Variants in USH2A observed in about 807,000 individuals in gnomAD.
USH2A encodes Usher syndrome 2A (autosomal recessive, mild).
In USH2A, 443 loss-of-function variants were observed where a neutral mutation model predicts 538.9. The ratio of observed to expected loss-of-function variants is 0.82; its 90% CI spans 0.76 to 0.89. The LOEUF is 0.89. USH2A is among the 40% of genes least tolerant of loss of function. The pLI is 0.00. For synonymous variants in USH2A, 2,413 were observed against 2,273.5 expected (o/e 1.06, Z -1.75); for missense variants, 6,633 against 6,324.8 (o/e 1.05, Z -1.65).
chr1:215,886,857 C>T (rs1165972550), intron 41 of USH2A, among the ~76,000 whole-genome samples: 1 of 151,976 alleles, frequency 6.6e-6, no homozygotes, highest in East Asian at 1.9e-4. Flanking sequence ...TCTGAAAATA[C>T]TTATTTTTTT....
chr1:216,358,355 GC>G (rs1279497785), intron 4 of USH2A, among the ~76,000 whole-genome samples: 3 of 152,124 alleles, frequency 2.0e-5, no homozygotes, highest in Non-Finnish European at 4.4e-5. Flanking sequence ...GAGACAGCCG[GC>G]CTGGCACTGC....
rs2797255 is a variant in USH2A, at chr1:215,624,672, G to A, written c.*1109C>T. On this transcript the variant is annotated 3_prime_UTR_variant, in exon 72 of 72. Transcript: ENST00000307340. Reference sequence around the variant, plus strand: ...AGCAGGTGACAGACATTTTTGAACCGTAATTGGTACTGTTGCATATCATCT... The same window carrying A: ...AGCAGGTGACAGACATTTTTGAACCATAATTGGTACTGTTGCATATCATCT... 150,834 of 152,250 alleles carry A rather than the reference G, an allele frequency of 0.99. 74,743 individuals are homozygous for A. The highest frequency in any genetic ancestry group is 1 in the East Asian group (5,178 of 5,178). 9.4% of individuals were successfully genotyped at this position (152,250 alleles called of 1,614,324 possible). A position where few individuals can be genotyped will look rare whatever the true frequency, so the allele number is the denominator to read the frequency against.
chr1:215,805,489 G>C (rs946395932), intron 49 of USH2A, among the ~76,000 whole-genome samples: 4 of 152,038 alleles, frequency 2.6e-5, no homozygotes, highest in African/African-American at 9.7e-5. Flanking sequence ...GAAGATAAAA[G>C]AGCTCTAGAG....
chr1:215,732,237 T>A (rs1282557139), intron 60 of USH2A, among the ~76,000 whole-genome samples: 1 of 152,202 alleles, frequency 6.6e-6, no homozygotes, highest in Non-Finnish European at 1.5e-5. Context: ...AAGTTTTTGG[T>A]GTGAGTAGAG....
At chr1:216,002,631 T>C (rs1483045527) in intron 32 of USH2A, among the ~76,000 whole-genome samples, 1 of 152,126 alleles carries the variant, frequency 6.6e-6, no homozygotes, top group African/African-American at 2.4e-5. Context: ...CATATCAGAT[T>C]GTCTTGGTCA....
chr1:216,206,821 G>C (rs2035122318), intron 16 of USH2A, among the ~76,000 whole-genome samples: 1 of 152,112 alleles, frequency 6.6e-6, no homozygotes, highest in Non-Finnish European at 1.5e-5. Context: ...AATAGAATAG[G>C]TATGGACATC....
rs1174913071 is a variant in USH2A, at chr1:215,888,920, T to C, written c.7729A>G (p.Arg2577Gly). The C allele has an allele frequency of 6.2e-7, 1 of 1,614,064 alleles. No homozygotes were observed. Among genetic ancestry groups the C allele is most frequent in the Non-Finnish European group, 8.5e-7 (1 of 1,180,024 alleles). ...CAATTAGTGACATTTCCAGGAGTTC[T>C]CAAGTATAGACGGCCATGTAGATAA... ...NIYLHGRLYL[R>G]TPGNVTNCTV... Residue 2577 changes from arginine to glycine, a missense_variant, in exon 41 of 72, where the codon AGA becomes GGA. Physicochemically the swap from Arg to Gly is moderately radical, Grantham distance 125. Coordinates refer to ENST00000307340, the MANE Select transcript of USH2A (RefSeq NM_206933.4).
At chr1:215,927,681 G>A (rs1382402873) in intron 38 of USH2A, among the ~76,000 whole-genome samples, 1 of 151,830 alleles carries the variant, frequency 6.6e-6, no homozygotes, top group Non-Finnish European at 1.5e-5. Context: ...TCACTACCTG[G>A]GCAATAGGAT....
At chr1:216,096,417 A>G (rs1290241570) in intron 22 of USH2A, among the ~76,000 whole-genome samples, 1 of 152,178 alleles carries the variant, frequency 6.6e-6, no homozygotes, top group South Asian at 2.1e-4. Context: ...TACACCCTCA[A>G]ATACAGACAT....
At chr1:215,729,877 C>G (rs894539390) in intron 60 of USH2A, among the ~76,000 whole-genome samples, 1 of 152,176 alleles carries the variant, frequency 6.6e-6, no homozygotes, top group Non-Finnish European at 1.5e-5. Context: ...CTGGCCTTGG[C>G]CTTCCAAAGT....
At chr1:215,967,850 T>A (rs935662015) in intron 36 of USH2A, among the ~76,000 whole-genome samples, 14 of 152,116 alleles carry the variant, frequency 9.2e-5, no homozygotes, top group African/African-American at 3.4e-4. Flanking sequence ...CAAGACAACT[T>A]TTTAGCCATA....
chr1:215,698,730 G>A (rs1190838737), intron 61 of USH2A, among the ~76,000 whole-genome samples: 1 of 152,132 alleles, frequency 6.6e-6, no homozygotes, highest in African/African-American at 2.4e-5. Flanking sequence ...TTAGCCCTTT[G>A]TCAGATGGAT....
At chr1:216,286,234 TG>T (rs1476089039) in intron 11 of USH2A, among the ~76,000 whole-genome samples, 1 of 152,168 alleles carries the variant, frequency 6.6e-6, no homozygotes, top group African/African-American at 2.4e-5. Flanking sequence ...AATTGAATCA[TG>T]GGGGCAGTTT....
chr1:215,732,350 AT>A (rs1336816627), intron 60 of USH2A, among the ~76,000 whole-genome samples: 1 of 152,152 alleles, frequency 6.6e-6, no homozygotes, highest in Non-Finnish European at 1.5e-5. Flanking sequence ...GCCTATGCTT[AT>A]CCTTAATCTG....
At position 215,732,142 on chromosome 1, in the gene USH2A, T is replaced by G. The variant is rs115877513; in HGVS notation, c.11712-3758A>C. 7.5e-3 allele frequency among the ~76,000 whole-genome samples: 1,138 copies of G among 152,300 alleles called. 17 individuals carry two copies. Among genetic ancestry groups the G allele is most frequent in the African/African-American group, 0.026 (1,079 of 41,550 alleles). Reference sequence around the variant, plus strand: ...GTCATCTCAACAGTTTACGTAAGAATAAATGCAGACCCTGAACTAGATTGC... The same window carrying G: ...GTCATCTCAACAGTTTACGTAAGAAGAAATGCAGACCCTGAACTAGATTGC... On this transcript the variant is annotated intron_variant, in intron 60 of 71. Coordinates refer to ENST00000307340, the MANE Select transcript of USH2A (RefSeq NM_206933.4).
intron 3 of USH2A, among the ~76,000 whole-genome samples, chr1:216,395,715 G>C (rs1447269009): frequency 6.6e-6 from 1 of 152,182 alleles, no homozygotes; most frequent in Non-Finnish European, 1.5e-5. Flanking sequence ...TTTGACTATT[G>C]CAAGACAGGA....
At chr1:216,232,241 C>T (rs2035713197) in intron 13 of USH2A, 105 bp from the exon 14 acceptor site, 3 of 1,257,820 alleles carry the variant, frequency 2.4e-6, no homozygotes, top group Non-Finnish European at 3.3e-6. Context: ...TACCAAGGCA[C>T]TAATTCCCAA....
At chr1:215,693,135 C>T (rs56156651) in intron 61 of USH2A, among the ~76,000 whole-genome samples, 48,052 of 113,014 alleles carry the variant, frequency 0.43, 8,773 homozygotes, top group South Asian at 0.59. Flanking sequence ...TATATATATA[C>T]ACACACACAC....
intron 2 of USH2A, 124 bp downstream of exon 2, chr1:216,421,728 G>A (rs2039679529): frequency 6.9e-7 from 1 of 1,443,568 alleles, no homozygotes; most frequent in African/African-American, 1.4e-5. Context: ...AACTGGAAGA[G>A]TTAGTCTTCA....
Sources: gnomAD v4.1 joint callset for allele counts (sites outside exome capture counted in the v4.1 genomes callset) on GRCh38, gnomAD v4.1.1 for gene constraint, MANE v1.5 for transcripts, NCBI Gene and HGNC (gene_info 2026-07-23, HGNC 2026-07-21) for gene names.